The following CLASP1 variants were observed in gnomAD, a reference collection of about 807,000 sequenced individuals.
CLASP1 encodes CLIP-associating protein 1.
Under a neutral mutation model 192.3 loss-of-function variants are expected in CLASP1, and 38 were observed. The ratio of observed to expected loss-of-function variants is 0.20; its 90% CI spans 0.15 to 0.26. The LOEUF is 0.26. Among genes scored for constraint, CLASP1 ranks in the 10% least tolerant of loss-of-function variants. The probability of loss-of-function intolerance (pLI) is 1.00; values close to 1 mark genes in which losing one functional copy is unlikely to be tolerated. For missense variants in CLASP1, 1,433 were observed against 1,932.5 expected, an observed-to-expected ratio of 0.74 and a Z score of 4.85; for synonymous variants, 691 against 712.8, an observed-to-expected ratio of 0.97 and a Z score of 0.49.
intron 2 of CLASP1, among the ~76,000 whole-genome samples, chr2:121,583,249 A>G (rs2061402774): frequency 6.6e-6 from 1 of 152,106 alleles, no homozygotes. Context: ...GAAATCTAAG[A>G]CTTGTTTTAT....
intron 8 of CLASP1, among the ~76,000 whole-genome samples, chr2:121,495,058 CA>C (rs2093471646): frequency 1.3e-5 from 2 of 151,526 alleles, no homozygotes; most frequent in Non-Finnish European, 2.9e-5. Context: ...CACGGAGGCT[CA>C]CGTCTGTAAT....
chr2:121,616,012 G>A (rs2066394184), intron 1 of CLASP1, among the ~76,000 whole-genome samples: 1 of 152,122 alleles, frequency 6.6e-6, no homozygotes. Context: ...AGCATGTGGG[G>A]CGTAAGAAGG....
chr2:121,484,552 C>G (rs897859396), intron 8 of CLASP1, among the ~76,000 whole-genome samples: 3 of 152,162 alleles, frequency 2.0e-5, no homozygotes, highest in African/African-American at 7.2e-5. Context: ...GGTCTTGGGC[C>G]CCATCACAGG....
exon 19 of CLASP1, chr2:121,447,427 C>T (rs1275296086): frequency 6.4e-7 from 1 of 1,565,606 alleles, no homozygotes; most frequent in Non-Finnish European, 8.7e-7. Context: ...TTGGCACTGG[C>T]TGCTGCGTTC....
intron 19 of CLASP1, among the ~76,000 whole-genome samples, chr2:121,441,666 C>T (rs919987806): frequency 6.6e-6 from 1 of 152,104 alleles, no homozygotes; most frequent in Non-Finnish European, 1.5e-5. Context: ...ATCACTTGAG[C>T]CTGGCAGGTC....
intron 21 of CLASP1, 37 bp downstream of exon 21, chr2:121,427,367 A>G (rs1453777334): frequency 2.5e-6 from 4 of 1,610,484 alleles, no homozygotes; most frequent in Non-Finnish European, 8.5e-7. Context: ...GCCAACAACA[A>G]CAACAACAAA....
intron 28 of CLASP1, among the ~76,000 whole-genome samples, chr2:121,399,590 C>T (rs913503398): frequency 6.6e-6 from 1 of 152,148 alleles, no homozygotes; most frequent in African/African-American, 2.4e-5. Flanking sequence ...TATTAGCAGT[C>T]GCTGACTATT....
At chr2:121,581,494 T>C (rs1412254688) in intron 2 of CLASP1, among the ~76,000 whole-genome samples, 1 of 151,840 alleles carries the variant, frequency 6.6e-6, no homozygotes, top group Non-Finnish European at 1.5e-5. Flanking sequence ...CAGGATGGTC[T>C]CGATCTCCTG....
At chr2:121,591,935 G>C (rs2062447713) in intron 2 of CLASP1, among the ~76,000 whole-genome samples, 1 of 152,038 alleles carries the variant, frequency 6.6e-6, no homozygotes, top group African/African-American at 2.4e-5. Context: ...ATTCTTCCAG[G>C]TTGACCTCCC....
chr2:121,583,216 A>AC (rs2061399581), intron 2 of CLASP1, among the ~76,000 whole-genome samples: 1 of 151,756 alleles, frequency 6.6e-6, no homozygotes, highest in South Asian at 2.1e-4. Context: ...AAATGTACCT[A>AC]CCCCCTACTA....
Position 121,530,908 on chromosome 2 carries a change from T to C in CLASP1, c.196-583A>G, listed in dbSNP as rs779143800. 7.2e-6 allele frequency: 5 copies of C among 697,750 alleles called. No homozygotes were observed. Among genetic ancestry groups the C allele is most frequent in the South Asian group, 3.0e-5 (2 of 67,434 alleles). The allele number at this position is 697,750 out of a possible 1,614,324, so 43.2% of individuals were successfully genotyped here. A position where few individuals can be genotyped will look rare whatever the true frequency, so the allele number is the denominator to read the frequency against. The stretch of plus-strand genomic sequence containing the variant: ...CATCCTTTTCTTGGGGTTGCGCTAC[T>C]GTCCAATGAGCGCATAGTGAGGGCA... On this transcript the variant is annotated intron_variant, in intron 2 of 39. Coordinates refer to ENST00000263710, the Ensembl canonical transcript of CLASP1.
chr2:121,517,314 T>A (rs1475685756), intron 6 of CLASP1, among the ~76,000 whole-genome samples: 1 of 152,096 alleles, frequency 6.6e-6, no homozygotes, highest in African/African-American at 2.4e-5. Flanking sequence ...TAGTGGAGAA[T>A]GAAGAGAAAA....
At chr2:121,453,439 C>T (rs1328543041) in intron 14 of CLASP1, among the ~76,000 whole-genome samples, 1 of 152,176 alleles carries the variant, frequency 6.6e-6, no homozygotes, top group Non-Finnish European at 1.5e-5. Flanking sequence ...CAGCAGCTCA[C>T]AGGAGAGCCA....
intron 22 of CLASP1, among the ~76,000 whole-genome samples, chr2:121,421,981 A>G (rs1453423388): frequency 6.6e-6 from 1 of 152,238 alleles, no homozygotes; most frequent in Non-Finnish European, 1.5e-5. Flanking sequence ...TACAGAAGAG[A>G]AGGCATAAGA....
chr2:121,580,205 T>C (rs557511556), intron 2 of CLASP1, among the ~76,000 whole-genome samples: 3 of 152,322 alleles, frequency 2.0e-5, no homozygotes, highest in African/African-American at 7.2e-5. Flanking sequence ...GTACCAGTGA[T>C]CTTCCCTAAT....
At chr2:121,570,045 T>C (rs1037225686) in intron 2 of CLASP1, among the ~76,000 whole-genome samples, 4 of 152,182 alleles carry the variant, frequency 2.6e-5, no homozygotes, top group Admixed American at 1.3e-4. Flanking sequence ...AGGAAGATAT[T>C]TGCTGTTTTA....
At chr2:121,516,020 C>T (rs934796029) in intron 6 of CLASP1, among the ~76,000 whole-genome samples, 5 of 152,096 alleles carry the variant, frequency 3.3e-5, no homozygotes, top group Non-Finnish European at 7.4e-5. Context: ...TAGTTCTTTC[C>T]GTTCTTTAAG....
intron 2 of CLASP1, among the ~76,000 whole-genome samples, chr2:121,599,361 T>C (rs1467695712): frequency 7.3e-6 from 1 of 137,660 alleles, no homozygotes; most frequent in Non-Finnish European, 1.6e-5. Flanking sequence ...AGGCCGAGGC[T>C]GGTGGATCAG....
chr2:121,530,612 G>C (rs1049236365), intron 2 of CLASP1: 1 of 528,556 alleles, frequency 1.9e-6, no homozygotes, highest in African/African-American at 1.9e-5. Flanking sequence ...AGCGCGCCGC[G>C]GTCCCGCCCC....
Sources: gnomAD v4.1 joint callset for allele counts (sites outside exome capture counted in the v4.1 genomes callset) on GRCh38, gnomAD v4.1.1 for gene constraint, MANE v1.5 for transcripts, NCBI Gene and HGNC (gene_info 2026-07-23, HGNC 2026-07-21) for gene names.